PICK1: variants seen among roughly 807,000 people sequenced by gnomAD.
The protein encoded by PICK1 is protein interacting with PRKCA 1.
A neutral mutation model predicts 48.9 loss-of-function variants in PICK1; 23 were observed. The ratio of observed to expected loss-of-function variants is 0.47; its 90% CI spans 0.34 to 0.67. PICK1 has a LOEUF of 0.67. Among genes scored for constraint, PICK1 ranks in the 30% least tolerant of loss-of-function variants. PICK1 has a pLI of 0.01. For synonymous variants in PICK1, 217 were observed against 228.2 expected (o/e 0.95, Z 0.44); for missense variants, 423 against 557.1 (o/e 0.76, Z 2.42).
At chr22:38,072,727 C>A (rs1465264842) in intron 9 of PICK1, 117 bp downstream of exon 9, 5 of 1,438,392 alleles carry the variant, frequency 3.5e-6, no homozygotes, top group African/African-American at 1.4e-5. Context: ...CTGGCTCAGT[C>A]ACCCACACAG....
intron 3 of PICK1, among the ~76,000 whole-genome samples, chr22:38,063,270 C>T (rs1221372924): frequency 1.3e-5 from 2 of 152,004 alleles, no homozygotes; most frequent in African/African-American, 2.4e-5. Flanking sequence ...GATCCTCCCA[C>T]CTCAGACCCC....
At chr22:38,071,518 C>T (rs898090476) in intron 7 of PICK1, among the ~76,000 whole-genome samples, 164 bp from the exon 8 acceptor site, 3 of 152,182 alleles carry the variant, frequency 2.0e-5, no homozygotes, top group East Asian at 1.9e-4. Flanking sequence ...CGGGTTGGGT[C>T]GGACTGAGCT....
In PICK1 at chr22:38,057,439, G is replaced by A. The variant is rs967345784; in HGVS notation, c.-206G>A. 1.4e-5 allele frequency: 4 copies of A among 277,086 alleles called. No homozygotes were observed. The highest frequency in any genetic ancestry group is 6.5e-5 in the African/African-American group (3 of 46,286). The allele number at this position is 277,086 out of a possible 1,614,324, so 17.2% of individuals were successfully genotyped here. A position where few individuals can be genotyped will look rare whatever the true frequency, so the allele number is the denominator to read the frequency against. On this transcript the variant is annotated 5_prime_UTR_variant, in exon 1 of 13. Transcript: ENST00000356976. The stretch of plus-strand genomic sequence containing the variant: ...GCCACCGCCAGGTGGAACGGCAGGT[G>A]GGTTCAGGTACCAGCCTGGCCGGGA...
chr22:38,071,620 C>T, intron 7 of PICK1, 62 bp from the exon 8 acceptor site: 2 of 1,474,678 alleles, frequency 1.4e-6, no homozygotes, highest in Non-Finnish European at 1.9e-6. Flanking sequence ...GGAGGCCTTG[C>T]CCTGGGCCAG....
At chr22:38,058,014 G>A in intron 2 of PICK1, 164 bp downstream of exon 2, 1 of 705,516 alleles carries the variant, frequency 1.4e-6, no homozygotes, top group Middle Eastern at 2.3e-4. Flanking sequence ...TTTGTAGGGG[G>A]CTGTGGACAG....
intron 3 of PICK1, among the ~76,000 whole-genome samples, chr22:38,060,971 A>G (rs1244858103): frequency 6.6e-6 from 1 of 151,084 alleles, no homozygotes; most frequent in East Asian, 2.0e-4. Flanking sequence ...CTGGTCTCGA[A>G]CTCCTGGCCT....
Position 38,074,765 on chromosome 22 carries a change from AG to A in PICK1, c.980-95del, listed in dbSNP as rs1308198216. 3 of 1,448,442 alleles carry A rather than the reference AG, an allele frequency of 2.1e-6. No homozygotes were observed. In the Admixed American group the frequency reaches 5.3e-5, roughly 26 times the overall value. The allele number at this position is 1,448,442 out of a possible 1,614,324, so 89.7% of individuals were successfully genotyped here. On this transcript the variant is annotated intron_variant, in intron 12 of 12. Coordinates refer to ENST00000356976, the MANE Select transcript of PICK1 (RefSeq NM_012407.4). The surrounding 1 kb of genome is among the most constrained non-coding windows in gnomAD (Gnocchi z 4.5). ...AGGGAAGTGCCCGAGTGGGAAGCCC[AG>A]GGGAGGCGAGAGGTGGGCCGGGTGG...
At position 38,059,349 on chromosome 22, in the gene PICK1, T is replaced by C. The variant is rs1233934447; in HGVS notation, c.153+4T>C. On this transcript the variant is annotated splice_donor_region_variant and intron_variant, in intron 3 of 12. Coordinates refer to ENST00000356976, the MANE Select transcript of PICK1 (RefSeq NM_012407.4). ...TCCCTGCCTCTATATCGTCCAGGTA[T>C]TGGGCGCTTTGGAGGGGGGCACAAG... 2 of 1,541,182 alleles carry C rather than the reference T, an allele frequency of 1.3e-6. No homozygotes were observed. Among genetic ancestry groups the C allele is most frequent in the South Asian group, 2.4e-5 (2 of 83,936 alleles).
At chr22:38,057,956 T>C in intron 2 of PICK1, 106 bp downstream of exon 2, 1 of 922,994 alleles carries the variant, frequency 1.1e-6, no homozygotes, top group Non-Finnish European at 1.8e-6. Context: ...GGTGGATCAG[T>C]TGTTGTACTG....
chr22:38,067,807 C>T (rs1269069591), intron 5 of PICK1, 37 bp downstream of exon 5: 5 of 1,559,672 alleles, frequency 3.2e-6, no homozygotes, highest in Admixed American at 3.3e-5. Flanking sequence ...GTCCAGCAGC[C>T]TCCCTGGATG....
chr22:38,073,186 C>A lies in PICK1; in HGVS notation c.783+94C>A. The A allele has an allele frequency of 1.2e-6, 1 of 851,620 alleles. No homozygotes were observed. Among genetic ancestry groups the A allele is most frequent in the African/African-American group, 1.7e-5 (1 of 60,370 alleles). The allele number at this position is 851,620 out of a possible 1,614,324, so 52.8% of individuals were successfully genotyped here. On this transcript the variant is annotated intron_variant, in intron 10 of 12. Coordinates refer to ENST00000356976, the MANE Select transcript of PICK1 (RefSeq NM_012407.4). The surrounding 1 kb of genome is among the most constrained non-coding windows in gnomAD (Gnocchi z 5.7). ...GCCATGCTGCGGCCAGCGAGGCCAG[C>A]CAGAGCTGACAGCATGTCTGCTCCA...
At chr22:38,071,502 T>G (rs545340095) in intron 7 of PICK1, among the ~76,000 whole-genome samples, 180 bp from the exon 8 acceptor site, 17 of 152,286 alleles carry the variant, frequency 1.1e-4, no homozygotes, top group Middle Eastern at 3.4e-3. Flanking sequence ...CTGATGGGGC[T>G]CCTCACGGGT....
In PICK1 at chr22:38,073,991, G is replaced by A. The variant is rs2085766787; in HGVS notation, c.834+168G>A. On this transcript the variant is annotated intron_variant, in intron 11 of 12. Coordinates refer to ENST00000356976, the MANE Select transcript of PICK1 (RefSeq NM_012407.4). This position sits in a 1 kb window ranked among gnomAD's most constrained non-coding sequence, Gnocchi z 5.7. The stretch of plus-strand genomic sequence containing the variant: ...CCCGCTCGCTGGGCCTCGGGGTGCT[G>A]GGCACCCGGCCGGGAACCACTCCCT... The A allele has an allele frequency of 4.2e-6, 3 of 715,308 alleles. No individual in the cohort carries two copies. The highest frequency in any genetic ancestry group is 7.2e-6 in the Non-Finnish European group (3 of 418,908). 44.3% of individuals were successfully genotyped at this position (715,308 alleles called of 1,614,324 possible).
At position 38,075,321 on chromosome 22, in the gene PICK1, G is replaced by A; in HGVS notation, c.*189G>A. ...GGACAGGCACCAGGGTCATGGCCTG[G>A]GACCTGGACACTGGCCCCTCCACCC... On this transcript the variant is annotated 3_prime_UTR_variant, in exon 13 of 13. Transcript: ENST00000356976. 1.7e-6 allele frequency: 1 copy of A among 605,910 alleles called. No homozygotes were observed. The highest frequency in any genetic ancestry group is 2.8e-5 in the East Asian group (1 of 35,744). The allele number at this position is 605,910 out of a possible 1,614,324, so 37.5% of individuals were successfully genotyped here. A position where few individuals can be genotyped will look rare whatever the true frequency, so the allele number is the denominator to read the frequency against.
rs1466256909 is a variant in PICK1, at chr22:38,073,839, G to T, written c.834+16G>T. The T allele has an allele frequency of 6.2e-7, 1 of 1,612,488 alleles. No homozygotes were observed. Among genetic ancestry groups the T allele is most frequent in the Non-Finnish European group, 8.5e-7 (1 of 1,179,190 alleles). The stretch of plus-strand genomic sequence containing the variant: ...CAGCTGCATTGTGAGTGTTGGAGGG[G>T]GTGGGGGGCTTGTACTTCCCCCCAC... On this transcript the variant is annotated intron_variant, in intron 11 of 12. Coordinates refer to ENST00000356976, the MANE Select transcript of PICK1 (RefSeq NM_012407.4). The surrounding 1 kb of genome is among the most constrained non-coding windows in gnomAD (Gnocchi z 5.7).
intron 4 of PICK1, 112 bp downstream of exon 4, chr22:38,065,242 C>T: frequency 1.9e-6 from 2 of 1,057,408 alleles, no homozygotes; most frequent in South Asian, 2.7e-5. Flanking sequence ...CTCACCGCCC[C>T]CTTCCTTGTC....
chr22:38,068,015 C>G (rs2085573680), intron 5 of PICK1: 1 of 620,714 alleles, frequency 1.6e-6, no homozygotes, highest in Non-Finnish European at 3.1e-6. Context: ...TCACCCCTAC[C>G]TCCCTGCTTC....
Position 38,067,694 on chromosome 22 carries a change from G to T in PICK1, c.283-10G>T. The T allele has an allele frequency of 6.2e-7, 1 of 1,612,990 alleles. No homozygotes were observed. Among genetic ancestry groups the T allele is most frequent in the African/African-American group, 1.3e-5 (1 of 75,040 alleles). ...CCTCGCTCACTAGTCTGTGTGTGCT[G>T]CTCTTCCAGGGGGAGGTGACCATCC... On this transcript the variant is annotated splice_polypyrimidine_tract_variant and intron_variant, in intron 4 of 12. Transcript: ENST00000356976.
In PICK1 at chr22:38,074,860, C is replaced by G; in HGVS notation, c.980-4C>G. The G allele has an allele frequency of 1.2e-6, 2 of 1,611,180 alleles. No homozygotes were observed. The highest frequency in any genetic ancestry group is 1.7e-6 in the Non-Finnish European group (2 of 1,179,948). Reference sequence around the variant, plus strand: ...GCAGCCTGTCCCCCGACCTCCCACCCCAGTCCAGGACATCGTGTTCCAGCT... The same window carrying G: ...GCAGCCTGTCCCCCGACCTCCCACCGCAGTCCAGGACATCGTGTTCCAGCT... On this transcript the variant is annotated splice_polypyrimidine_tract_variant and splice_region_variant and intron_variant, in intron 12 of 12. Coordinates refer to ENST00000356976, the MANE Select transcript of PICK1 (RefSeq NM_012407.4). The surrounding 1 kb of genome is among the most constrained non-coding windows in gnomAD (Gnocchi z 4.5).
Sources: gnomAD v4.1 joint callset for allele counts (sites outside exome capture counted in the v4.1 genomes callset) on GRCh38, gnomAD v4.1.1 for gene constraint, Gnocchi (gnomAD v3.1) non-coding constraint, MANE v1.5 for transcripts, NCBI Gene and HGNC (gene_info 2026-07-23, HGNC 2026-07-21) for gene names.